DPP8: variants seen among roughly 807,000 people sequenced by gnomAD.
The protein encoded by DPP8 is DPP VIII.
A neutral mutation model predicts 107.5 loss-of-function variants in DPP8; 31 were observed. That is an observed-to-expected ratio of 0.29 (90% CI 0.22 to 0.39). The LOEUF is 0.39. Among genes scored for constraint, DPP8 ranks in the 10% least tolerant of loss-of-function variants. The pLI is 1.00. For synonymous variants in DPP8, 381 were observed against 356.6 expected (o/e 1.07, Z -0.77); for missense variants, 842 against 1,076.1 (o/e 0.78, Z 3.04).
intron 2 of DPP8, among the ~76,000 whole-genome samples, chr15:65,510,955 A>C (rs1327868266): frequency 2.0e-5 from 3 of 152,226 alleles, no homozygotes; most frequent in Admixed American, 6.5e-5. Context: ...AAAAAGTTTA[A>C]TTACTCACTA....
intron 15 of DPP8, among the ~76,000 whole-genome samples, chr15:65,460,357 C>A (rs889683085): frequency 1.3e-5 from 2 of 151,946 alleles, no homozygotes; most frequent in African/African-American, 4.8e-5. Context: ...GCAGGAGAAT[C>A]GCTTGAACCC....
chr15:65,461,397 A>G (rs1481518361), intron 15 of DPP8, among the ~76,000 whole-genome samples: 1 of 151,968 alleles, frequency 6.6e-6, no homozygotes, highest in Non-Finnish European at 1.5e-5. Flanking sequence ...TCCCTCCCAA[A>G]TTGCTGAGAT....
At chr15:65,459,904 G>A (rs1333216891) in intron 15 of DPP8, among the ~76,000 whole-genome samples, 1 of 151,862 alleles carries the variant, frequency 6.6e-6, no homozygotes, top group Non-Finnish European at 1.5e-5. Flanking sequence ...GCAGTGAGCC[G>A]AGATCGTGCC....
chr15:65,476,240 A>G (rs1462488573), intron 11 of DPP8, among the ~76,000 whole-genome samples: 1 of 152,234 alleles, frequency 6.6e-6, no homozygotes, highest in Non-Finnish European at 1.5e-5. Context: ...GTAAGTTTAA[A>G]AAAATATTTT....
chr15:65,465,172 T>C (rs564084302), intron 14 of DPP8, among the ~76,000 whole-genome samples: 9 of 150,292 alleles, frequency 6.0e-5, no homozygotes, highest in South Asian at 2.1e-4. Flanking sequence ...TTTTTCTTTT[T>C]TTTTTTTTTT....
intron 2 of DPP8, among the ~76,000 whole-genome samples, chr15:65,508,583 T>C (rs1274112325): frequency 6.6e-6 from 1 of 152,056 alleles, no homozygotes; most frequent in East Asian, 1.9e-4. Context: ...CCGGCCGAGG[T>C]GGCTCACACC....
intron 1 of DPP8, chr15:65,515,600 CAT>C (rs1406902704): frequency 6.8e-6 from 10 of 1,465,694 alleles, no homozygotes; most frequent in Non-Finnish European, 9.6e-6. Context: ...CAGCACAGTG[CAT>C]ATATTTCACT....
intron 14 of DPP8, among the ~76,000 whole-genome samples, chr15:65,465,512 C>T (rs897511927): frequency 6.7e-6 from 1 of 149,602 alleles, no homozygotes. Flanking sequence ...AGTGAAAATA[C>T]TAGAAAAAAA....
chr15:65,491,594 T>C (rs2068037537), intron 5 of DPP8, among the ~76,000 whole-genome samples: 1 of 152,228 alleles, frequency 6.6e-6, no homozygotes. Flanking sequence ...TTGGCTTCTT[T>C]TGAGTTTCAA....
At chr15:65,490,120 A>T in intron 6 of DPP8, 69 bp downstream of exon 6, 1 of 825,876 alleles carries the variant, frequency 1.2e-6, no homozygotes, top group South Asian at 1.4e-5. Flanking sequence ...AGAACTGTGC[A>T]CTTAAATGAC....
rs201825581 is a variant in DPP8 at position 65,474,263 on chromosome 15, C to T, written c.1482G>A (p.Glu494=). 4.1e-5 allele frequency: 66 copies of T among 1,611,752 alleles called. No homozygotes were observed. In the East Asian group the frequency reaches 1.3e-3, roughly 32 times the overall value. The change falls in exon 12 of 20, where the codon GAG becomes GAA. Residue 494 remains glutamate, a synonymous_variant. Coordinates refer to ENST00000300141, the MANE Select transcript of DPP8 (RefSeq NM_130434.5). The part of the protein sequence containing the change: ...APSDFKCPIK[E]EIAITSGEWE... ...ATTCACCACTGGTAATTGCTATCTC[C>T]TCTTTGATAGGACACTTGAAATCAC...
chr15:65,512,231 T>C lies in DPP8; in HGVS notation c.259+64A>G. Reference sequence around the variant, plus strand: ...TCATCAAACTTTTGAGTGTCAATTATACCTAGACTTTAAGTTTGACTTAAG... The same window carrying C: ...TCATCAAACTTTTGAGTGTCAATTACACCTAGACTTTAAGTTTGACTTAAG... On this transcript the variant is annotated intron_variant, in intron 2 of 19. Coordinates refer to ENST00000300141, the MANE Select transcript of DPP8 (RefSeq NM_130434.5). 2.0e-6 allele frequency: 3 copies of C among 1,490,934 alleles called. No individual in the cohort carries two copies. The South Asian group carries it at 3.6e-5, about 18-fold the overall frequency. 92.4% of individuals were successfully genotyped at this position (1,490,934 alleles called of 1,614,324 possible). A position where few individuals can be genotyped will look rare whatever the true frequency, so the allele number is the denominator to read the frequency against.
chr15:65,481,627 G>GAA lies in DPP8; in HGVS notation c.1018-14_1018-13dup. The GAA allele has an allele frequency of 2.4e-6, 3 of 1,229,158 alleles. No individual in the cohort carries two copies. The highest frequency in any genetic ancestry group is 5.4e-5 in the Admixed American group (2 of 37,224). The allele number at this position is 1,229,158 out of a possible 1,614,324, so 76.1% of individuals were successfully genotyped here. On this transcript the variant is annotated splice_polypyrimidine_tract_variant and intron_variant, in intron 8 of 19. Coordinates refer to ENST00000300141, the MANE Select transcript of DPP8 (RefSeq NM_130434.5). ...ATGACATCTATGATCTATTAAAAAA[G>GAA]AAAAAAAAAGAATCTAGTTATAGAA...
At chr15:65,511,416 G>T (rs1252560193) in intron 2 of DPP8, among the ~76,000 whole-genome samples, 2 of 151,242 alleles carry the variant, frequency 1.3e-5, no homozygotes, top group Non-Finnish European at 2.9e-5. Flanking sequence ...ATAATGGAAT[G>T]TTACGAAGTT....
chr15:65,456,097 C>CTA, intron 16 of DPP8, 128 bp downstream of exon 16: 1 of 1,138,626 alleles, frequency 8.8e-7, no homozygotes, highest in Admixed American at 2.6e-5. Context: ...CCCCCAAACT[C>CTA]TAACACATAC....
chr15:65,486,992 TA>T (rs1000311723), intron 7 of DPP8, among the ~76,000 whole-genome samples: 6 of 149,058 alleles, frequency 4.0e-5, no homozygotes, highest in African/African-American at 1.2e-4. Context: ...AAATTTAAAA[TA>T]AAAAAAAGGG....
chr15:65,497,183 G>A (rs115499592), intron 5 of DPP8, among the ~76,000 whole-genome samples: 7,305 of 152,194 alleles, frequency 0.048, 601 homozygotes, highest in African/African-American at 0.17. Flanking sequence ...GAGCCACCAC[G>A]CCCGGCCTCA....
intron 17 of DPP8, 143 bp from the exon 18 acceptor site, chr15:65,452,245 C>T: frequency 1.1e-6 from 1 of 884,766 alleles, no homozygotes; most frequent in Non-Finnish European, 1.6e-6. Context: ...TTAGGCAACT[C>T]AGAATACGAA....
At chr15:65,448,095 A>T (rs181845057) in intron 19 of DPP8, among the ~76,000 whole-genome samples, 1 of 152,264 alleles carries the variant, frequency 6.6e-6, no homozygotes. Context: ...ACTAAAACCT[A>T]GCTTTAAGCC....
Sources: gnomAD v4.1 joint callset for allele counts (sites outside exome capture counted in the v4.1 genomes callset) on GRCh38, gnomAD v4.1.1 for gene constraint, MANE v1.5 for transcripts, NCBI Gene and HGNC (gene_info 2026-07-23, HGNC 2026-07-21) for gene names.